STK11: variants seen among roughly 807,000 people sequenced by gnomAD.
STK11 encodes the protein serine/threonine kinase 11.
A neutral mutation model predicts 47.3 loss-of-function variants in STK11; 8 were observed. That is an observed-to-expected ratio of 0.17 (90% CI 0.10 to 0.31). STK11 has a LOEUF of 0.31. Ranked by LOEUF, STK11 falls within the 10% of genes least tolerant of loss-of-function variation. STK11 has a pLI of 1.00. For synonymous variants in STK11, 330 were observed against 255.8 expected, an observed-to-expected ratio of 1.29 and a Z score of -2.77; for missense variants, 475 against 605.0, an observed-to-expected ratio of 0.79 and a Z score of 2.25.
rs765330434 is a variant in STK11 at position 1,206,952 on chromosome 19, G to A, written c.39G>A (p.Thr13=). Residue 13 remains threonine (T), a synonymous_variant, in exon 1 of 10, where the codon ACG becomes ACA. Coordinates refer to ENST00000326873, the MANE Select transcript of STK11 (RefSeq NM_000455.5). ...VVDPQQLGMF[T]EGELMSVGMD... is the part of the protein sequence containing the mutation. ...ACCCGCAGCAGCTGGGCATGTTCAC[G>A]GAGGGCGAGCTGATGTCGGTGGGTA... 7 of 1,605,650 alleles carry A rather than the reference G, an allele frequency of 4.4e-6. No individual in the cohort carries two copies. The highest frequency in any genetic ancestry group is 5.1e-6 in the Non-Finnish European group (6 of 1,176,468).
At chr19:1,211,962 C>T (rs62128783) in intron 1 of STK11, among the ~76,000 whole-genome samples, 8,209 of 152,302 alleles carry the variant, frequency 0.054, 247 homozygotes, top group East Asian at 0.14. Flanking sequence ...CCATGTGAGG[C>T]CTGGGTGTCC....
chr19:1,226,104 T>G, intron 8 of STK11: 1 of 1,096,974 alleles, frequency 9.1e-7, no homozygotes. Context: ...TGGGCCAGGG[T>G]GCCCCAGGGG....
At chr19:1,224,196 G>A (rs2080805526) in intron 8 of STK11, 1 of 985,138 alleles carries the variant, frequency 1.0e-6, no homozygotes, top group Non-Finnish European at 1.2e-6. Context: ...GGTCCCCGGG[G>A]GGTACAGTGT....
intron 8 of STK11, chr19:1,225,817 G>A (rs1448404832): frequency 6.1e-6 from 6 of 985,944 alleles, no homozygotes; most frequent in South Asian, 4.7e-5. Flanking sequence ...GGGACAGTAC[G>A]TGGGCAGCTT....
At position 1,206,900 on chromosome 19, in the gene STK11, A is replaced by G. The variant is rs2145404299; in HGVS notation, c.-14A>G. ...TCAGGGCTGGCGGCGGGACTCCAGG[A>G]CCCTGGGTCCAGCATGGAGGTGGTG... On this transcript the variant is annotated 5_prime_UTR_variant, in exon 1 of 10. Transcript: ENST00000326873. 1 of 1,561,580 alleles carries G rather than the reference A, an allele frequency of 6.4e-7. No homozygotes were observed. The highest frequency in any genetic ancestry group is 8.7e-7 in the Non-Finnish European group (1 of 1,152,698).
chr19:1,209,945 TGAAG>T (rs1453050479), intron 1 of STK11, among the ~76,000 whole-genome samples: 1 of 152,120 alleles, frequency 6.6e-6, no homozygotes, highest in Non-Finnish European at 1.5e-5. Flanking sequence ...CCCACTGCCT[TGAAG>T]TGAGTGATGC....
rs1555734984 is a variant in STK11 at position 1,207,070 on chromosome 19, G to A, written c.157G>A (p.Asp53Asn). 6.2e-7 allele frequency: 1 copy of A among 1,613,942 alleles called. No homozygotes were observed. Among genetic ancestry groups the A allele is most frequent in the Non-Finnish European group, 8.5e-7 (1 of 1,179,892 alleles). ...GCTCATCGGCAAGTACCTGATGGGG[G>A]ACCTGCTGGGGGAAGGCTCTTACGG... ...AKLIGKYLMG[D>N]LLGEGSYGKV... The change falls in exon 1 of 10, where the codon GAC becomes AAC. Residue 53 changes from aspartate to asparagine, a missense_variant. Around this residue, in one of 5 missense-constraint regions of STK11, gnomAD observed 47 missense variants for 103.7 expected, o/e 0.45. Transcript: ENST00000326873.
chr19:1,208,233 C>G (rs1428930662), intron 1 of STK11, among the ~76,000 whole-genome samples: 1 of 151,770 alleles, frequency 6.6e-6, no homozygotes, highest in African/African-American at 2.4e-5. Flanking sequence ...CTTCCTCCTG[C>G]TCAGGGGCCC....
rs2080820432 is a variant in STK11, at chr19:1,226,336, G to A, written c.1109-118G>A. On this transcript the variant is annotated intron_variant, in intron 8 of 9. Coordinates refer to ENST00000326873, the MANE Select transcript of STK11 (RefSeq NM_000455.5). ...TGGATACACCTGGGCCTGACCCGGGGGCGGGCATGGCCTGGGCAGCAGCTG... is the reference window on the plus strand; with the variant it reads ...TGGATACACCTGGGCCTGACCCGGGAGCGGGCATGGCCTGGGCAGCAGCTG... 2.7e-6 allele frequency: 4 copies of A among 1,499,280 alleles called. No individual in the cohort carries two copies. The Admixed American group carries it at 6.5e-5, about 24-fold the overall frequency. The allele number at this position is 1,499,280 out of a possible 1,614,324, so 92.9% of individuals were successfully genotyped here.
chr19:1,210,104 T>C (rs552417475), intron 1 of STK11, among the ~76,000 whole-genome samples: 1 of 152,164 alleles, frequency 6.6e-6, no homozygotes, highest in East Asian at 1.9e-4. Context: ...CTTACAGCTG[T>C]GATTCAGGAG....
At chr19:1,218,611 C>A in intron 2 of STK11, 111 bp downstream of exon 2, 1 of 961,270 alleles carries the variant, frequency 1.0e-6, no homozygotes, top group Non-Finnish European at 1.7e-6. Flanking sequence ...GAGACTGGCA[C>A]ACGAGGGCCG....
At chr19:1,216,633 G>A (rs2080746662) in intron 1 of STK11, among the ~76,000 whole-genome samples, 2 of 151,476 alleles carry the variant, frequency 1.3e-5, no homozygotes, top group Non-Finnish European at 1.5e-5. Context: ...TTCCGAGGCC[G>A]AGGTGGGCAG....
rs985239943 is a variant in STK11, at chr19:1,206,743, C to A, written c.-171C>A. The A allele has an allele frequency of 3.2e-6, 3 of 923,498 alleles. No homozygotes were observed. In the African/African-American group the frequency reaches 5.0e-5, roughly 15 times the overall value. 57.2% of individuals were successfully genotyped at this position (923,498 alleles called of 1,614,324 possible). A position where few individuals can be genotyped will look rare whatever the true frequency, so the allele number is the denominator to read the frequency against. ...TCGCAGCCGGGACTGACGTGTAGAA[C>A]AATCGTTTCTGTTGGAAGAAGGGTT... is the stretch of plus-strand genomic sequence containing the variant. On this transcript the variant is annotated 5_prime_UTR_variant, in exon 1 of 10. Transcript: ENST00000326873.
chr19:1,225,132 TG>T (rs2080811955), intron 8 of STK11: 9 of 985,152 alleles, frequency 9.1e-6, no homozygotes, highest in Non-Finnish European at 1.1e-5. Flanking sequence ...GAGTGTGGGG[TG>T]GGGCAAGGGC....
Position 1,227,894 on chromosome 19 carries a change from G to A in STK11, c.*318G>A, listed in dbSNP as rs1353106249. Reference sequence around the variant, plus strand: ...TATGTGGAGACTACTGGCCCCGCCCGTGGCCTCGTGCTCCGCAGGGCGCCC... The same window carrying A: ...TATGTGGAGACTACTGGCCCCGCCCATGGCCTCGTGCTCCGCAGGGCGCCC... On this transcript the variant is annotated 3_prime_UTR_variant, in exon 10 of 10. Transcript: ENST00000326873. The A allele has an allele frequency of 2.8e-6, 3 of 1,069,294 alleles. No homozygotes were observed. The highest frequency in any genetic ancestry group is 1.1e-4 in the Admixed American group (2 of 18,758). The allele number at this position is 1,069,294 out of a possible 1,614,324, so 66.2% of individuals were successfully genotyped here. A position where few individuals can be genotyped will look rare whatever the true frequency, so the allele number is the denominator to read the frequency against.
chr19:1,227,064 G>A, intron 9 of STK11: 1 of 203,012 alleles, frequency 4.9e-6, no homozygotes. Flanking sequence ...GGTGGGGAGG[G>A]GCCGCGGCCT....
intron 1 of STK11, among the ~76,000 whole-genome samples, chr19:1,215,185 A>ACCCTCAGCGTCCCCCTCAGCGTCC (rs143578230): frequency 1.5e-4 from 23 of 151,704 alleles, no homozygotes; most frequent in Admixed American, 2.6e-4. Context: ...GCCCAGCCTC[A>ACCCTCAGCGTCCCCCTCAGCGTCC]CCCTCAGCGT....
chr19:1,211,950 A>G (rs2080714050), intron 1 of STK11, among the ~76,000 whole-genome samples: 1 of 152,208 alleles, frequency 6.6e-6, no homozygotes, highest in Admixed American at 6.5e-5. Flanking sequence ...CCCCTGCGCC[A>G]GCCATGTGAG....
chr19:1,228,209 C>T lies in STK11; in HGVS notation c.*633C>T, dbSNP rs2080842451. ...GGTCACCCTGCTTTGGCGGCCCGGC[C>T]GGAGGGCAGGACCCTCACCTCTCCC... is the stretch of plus-strand genomic sequence containing the variant. On this transcript the variant is annotated 3_prime_UTR_variant, in exon 10 of 10. Transcript: ENST00000326873. 4.3e-6 allele frequency: 4 copies of T among 938,900 alleles called. No individual in the cohort carries two copies. Among genetic ancestry groups the T allele is most frequent in the Non-Finnish European group, 3.9e-6 (3 of 763,770 alleles). The allele number at this position is 938,900 out of a possible 1,614,324, so 58.2% of individuals were successfully genotyped here.
Sources: allele counts gnomAD v4.1 joint callset (sites outside exome capture counted in the v4.1 genomes callset), GRCh38; gene constraint gnomAD v4.1.1; regional missense constraint gnomAD v4.1.1; transcripts MANE v1.5; gene names NCBI Gene and HGNC (gene_info 2026-07-23, HGNC 2026-07-21).